NKIRAS1: variants seen among roughly 807,000 people sequenced by gnomAD.
NKIRAS1 encodes the protein NF-kappa-B inhibitor-interacting Ras-like protein 1.
Under a neutral mutation model 19.8 loss-of-function variants are expected in NKIRAS1, and 16 were observed. The ratio of observed to expected loss-of-function variants is 0.81; its 90% CI spans 0.55 to 1.23. NKIRAS1 has a LOEUF of 1.23. Among genes scored for constraint, NKIRAS1 ranks in the 50% most tolerant of loss-of-function variants. NKIRAS1 has a pLI of 0.00. For synonymous variants in NKIRAS1, 88 were observed against 79.0 expected, an observed-to-expected ratio of 1.11 and a Z score of -0.61; for missense variants, 184 against 220.0, an observed-to-expected ratio of 0.84 and a Z score of 1.04.
At position 23,932,454 on chromosome 3, in the gene NKIRAS1, C is replaced by T. The variant is rs191355196; in HGVS notation, c.-140+13869G>A. ...CTGTAATTCCAGCACTTTTGGAGGC[C>T]GAGGCGGGCGGATCACCTGAGGTCG... On this transcript the variant is annotated intron_variant, in intron 1 of 4. Transcript: ENST00000421515. Among the ~76,000 whole-genome samples, 38 of 152,014 alleles carry T rather than the reference C, an allele frequency of 2.5e-4. No individual in the cohort carries two copies. In the East Asian group the frequency reaches 5.6e-3, roughly 22 times the overall value.
intron 1 of NKIRAS1, among the ~76,000 whole-genome samples, chr3:23,931,533 CTTTA>C (rs996285746): frequency 6.6e-6 from 1 of 152,096 alleles, no homozygotes; most frequent in Non-Finnish European, 1.5e-5. Flanking sequence ...CCCTTCCCTG[CTTTA>C]TTTGTCTCCT....
intron 4 of NKIRAS1, 154 bp downstream of exon 4, chr3:23,900,654 A>G (rs1046939786): frequency 2.1e-5 from 12 of 584,724 alleles, no homozygotes; most frequent in African/African-American, 5.6e-5. Context: ...AAAAAAAAAA[A>G]AAAGAAAAAG....
intron 4 of NKIRAS1, among the ~76,000 whole-genome samples, chr3:23,895,359 C>T (rs1398018830): frequency 6.6e-6 from 1 of 152,138 alleles, no homozygotes; most frequent in Non-Finnish European, 1.5e-5. Context: ...TTCCAGGCAT[C>T]CCACTCTGAC....
At chr3:23,911,886 C>T (rs1165736065) in intron 1 of NKIRAS1, among the ~76,000 whole-genome samples, 3 of 151,886 alleles carry the variant, frequency 2.0e-5, no homozygotes, top group African/African-American at 7.3e-5. Flanking sequence ...CCTCAATCTC[C>T]CAAGTAGCTG....
At position 23,892,956 on chromosome 3, in the gene NKIRAS1, T is replaced by G; in HGVS notation, c.*139A>C. ...AAATACTTTTAACATCTAAAGTGCA[T>G]TAATTGACTTCCTTAGGAATTTTCC... On this transcript the variant is annotated 3_prime_UTR_variant, in exon 5 of 5. Coordinates refer to ENST00000425478, the MANE Select transcript of NKIRAS1 (RefSeq NM_020345.4). The G allele has an allele frequency of 1.3e-6, 1 of 754,996 alleles. No homozygotes were observed. The highest frequency in any genetic ancestry group is 2.0e-6 in the Non-Finnish European group (1 of 500,970). The allele number at this position is 754,996 out of a possible 1,614,324, so 46.8% of individuals were successfully genotyped here.
intron 4 of NKIRAS1, among the ~76,000 whole-genome samples, chr3:23,893,768 C>T (rs1206180602): frequency 7.2e-6 from 1 of 138,474 alleles, no homozygotes; most frequent in Non-Finnish European, 1.5e-5. Context: ...CACTGCACTC[C>T]AGCCTGGGTG....
chr3:23,892,966 TC>T lies in NKIRAS1; in HGVS notation c.*128del. On this transcript the variant is annotated 3_prime_UTR_variant, in exon 5 of 5. Coordinates refer to ENST00000425478, the MANE Select transcript of NKIRAS1 (RefSeq NM_020345.4). ...AACATCTAAAGTGCATTAATTGACT[TC>T]CTTAGGAATTTTCCTAAGGACCAAA... is the stretch of plus-strand genomic sequence containing the variant. 3 of 911,496 alleles carry T rather than the reference TC, an allele frequency of 3.3e-6. No homozygotes were observed. Among genetic ancestry groups the T allele is most frequent in the East Asian group, 2.8e-5 (1 of 36,128 alleles). The allele number at this position is 911,496 out of a possible 1,614,324, so 56.5% of individuals were successfully genotyped here. A position where few individuals can be genotyped will look rare whatever the true frequency, so the allele number is the denominator to read the frequency against.
intron 4 of NKIRAS1, among the ~76,000 whole-genome samples, chr3:23,898,044 G>A (rs1415017662): frequency 1.3e-5 from 2 of 152,162 alleles, no homozygotes; most frequent in East Asian, 3.8e-4. Context: ...GCAAAGCCAA[G>A]ATTTAAGTAT....
intron 4 of NKIRAS1, among the ~76,000 whole-genome samples, chr3:23,898,889 T>C (rs1365820054): frequency 6.6e-6 from 1 of 152,150 alleles, no homozygotes; most frequent in South Asian, 2.1e-4. Flanking sequence ...TCCTGTCACA[T>C]CAGTGGCATG....
intron 3 of NKIRAS1, among the ~76,000 whole-genome samples, chr3:23,902,159 C>G (rs574759996): frequency 2.0e-5 from 3 of 152,132 alleles, no homozygotes; most frequent in African/African-American, 7.2e-5. Flanking sequence ...TATACCCCCC[C>G]CAATCATACT....
At chr3:23,943,418 A>G (rs967474057) in intron 1 of NKIRAS1, among the ~76,000 whole-genome samples, 1 of 151,944 alleles carries the variant, frequency 6.6e-6, no homozygotes, top group Non-Finnish European at 1.5e-5. Context: ...TTTAGTAGAG[A>G]TGGGGTTTCT....
chr3:23,902,852 C>T (rs1425949697), intron 3 of NKIRAS1, among the ~76,000 whole-genome samples: 1 of 152,172 alleles, frequency 6.6e-6, no homozygotes, highest in Non-Finnish European at 1.5e-5. Context: ...GAAAACAGGG[C>T]AATTAAGTGA....
At chr3:23,918,718 G>C (rs1575120080), upstream of NKIRAS1, 2 of 983,036 alleles carry the variant, frequency 2.0e-6, no homozygotes, top group Non-Finnish European at 3.0e-6. Context: ...TCTTGGTGAA[G>C]AGTAATTGCT....
chr3:23,894,430 G>A (rs1701780343), intron 4 of NKIRAS1, among the ~76,000 whole-genome samples: 1 of 152,118 alleles, frequency 6.6e-6, no homozygotes. Flanking sequence ...ATGAAAGTGG[G>A]CCAGAGCTCC....
In NKIRAS1 at chr3:23,890,220, C is replaced by A. The variant is rs1575050846; in HGVS notation, c.*2875G>T. Among the ~76,000 whole-genome samples, 2 of 152,130 alleles carry A rather than the reference C, an allele frequency of 1.3e-5. No homozygotes were observed. The highest frequency in any genetic ancestry group is 3.8e-4 in the East Asian group (2 of 5,196). On this transcript the variant is annotated 3_prime_UTR_variant, in exon 5 of 5. Transcript: ENST00000425478. ...CCAGTCTCTACTGAACTCAGCCTAA[C>A]ACATAAGAGTAAAGAAACTCCAATT...
At chr3:23,893,371 T>G in intron 4 of NKIRAS1, 34 bp from the exon 5 acceptor site, 2 of 1,575,922 alleles carry the variant, frequency 1.3e-6, no homozygotes, top group Non-Finnish European at 1.7e-6. Flanking sequence ...ATCATACTAG[T>G]ACTTTGCCAA....
chr3:23,920,500 T>C (rs1705017466), upstream of NKIRAS1: 3 of 985,170 alleles, frequency 3.0e-6, no homozygotes, highest in Non-Finnish European at 3.6e-6. Flanking sequence ...ACTATGAGTA[T>C]ACCACCACAT....
intron 1 of NKIRAS1, chr3:23,946,001 C>T (rs892484386): frequency 1.8e-4 from 117 of 666,686 alleles, no homozygotes; most frequent in Non-Finnish European, 2.1e-4. Flanking sequence ...CCCACATTCC[C>T]CGGGGCCGCA....
intron 1 of NKIRAS1, among the ~76,000 whole-genome samples, chr3:23,915,787 C>T (rs1459528423): frequency 3.9e-5 from 6 of 152,154 alleles, no homozygotes; most frequent in South Asian, 2.1e-4. Context: ...ACTCTTACTC[C>T]CAGACTCCTA....
Sources: allele counts gnomAD v4.1 joint callset (sites outside exome capture counted in the v4.1 genomes callset), GRCh38; gene constraint gnomAD v4.1.1; transcripts MANE v1.5; gene names NCBI Gene and HGNC (gene_info 2026-07-23, HGNC 2026-07-21).